Variants in KLF8 observed in about 807,000 individuals in gnomAD.
KLF8 encodes Krueppel-like factor 8.
Under a neutral mutation model 18.2 loss-of-function variants are expected in KLF8, and 10 were observed. The ratio of observed to expected loss-of-function variants is 0.55; its 90% CI spans 0.34 to 0.93. The LOEUF (loss-of-function observed/expected upper bound fraction) is 0.93. Ranked by LOEUF, KLF8 falls within the 40% of genes least tolerant of loss-of-function variation. KLF8 has a pLI of 0.02. For synonymous variants in KLF8, 109 were observed against 97.3 expected, an observed-to-expected ratio of 1.12 and a Z score of -0.71; for missense variants, 264 against 277.9, an observed-to-expected ratio of 0.95 and a Z score of 0.36.
upstream of KLF8, among the ~76,000 whole-genome samples, chrX:56,227,356 C>CTT (rs11343713): frequency 1.0e-5 from 1 of 96,070 alleles, no homozygotes; most frequent in Admixed American, 1.1e-4. Flanking sequence ...AAGTCTTTTT[C>CTT]TTTTTTTTTT....
At chrX:56,176,742 A>G in the KLF8 span, among the ~76,000 whole-genome samples, 3,747 of 111,490 alleles carry the variant, frequency 0.034, 168 homozygotes, top group African/African-American at 0.12. Flanking sequence ...AAGTACACCA[A>G]TCAGACGTAG....
At chrX:56,053,240 G>A in the KLF8 span, among the ~76,000 whole-genome samples, 5 of 112,251 alleles carry the variant, frequency 4.5e-5, no homozygotes, top group East Asian at 2.8e-4. Flanking sequence ...CGTCGCTCAC[G>A]CTGGGAGCTG....
At chrX:56,127,750 A>T in the KLF8 span, among the ~76,000 whole-genome samples, 1 of 112,036 alleles carries the variant, frequency 8.9e-6, no homozygotes, top group Non-Finnish European at 1.9e-5. Flanking sequence ...ATCATGTTAT[A>T]TACCTTAAAA....
At chrX:56,053,745 G>A in the KLF8 span, among the ~76,000 whole-genome samples, 4 of 109,701 alleles carry the variant, frequency 3.6e-5, 1 homozygote, top group Middle Eastern at 8.5e-3. Flanking sequence ...GAGGGTGTAT[G>A]TGTCCAGGAA....
At chrX:56,212,919 A>G in the KLF8 span, among the ~76,000 whole-genome samples, 1 of 111,812 alleles carries the variant, frequency 8.9e-6, no homozygotes, top group South Asian at 3.7e-4. Context: ...TCTTAAAGAC[A>G]TTGTTGTTAG....
At chrX:56,208,547 A>G in the KLF8 span, among the ~76,000 whole-genome samples, 2 of 110,606 alleles carry the variant, frequency 1.8e-5, no homozygotes, top group African/African-American at 3.3e-5. Context: ...GTTATTTAAG[A>G]TCCATTATTA....
At chrX:55,991,021 C>G in the KLF8 span, among the ~76,000 whole-genome samples, 8 of 112,324 alleles carry the variant, frequency 7.1e-5, no homozygotes, top group African/African-American at 3.2e-5. Context: ...CTACTCTCTT[C>G]AAAGCTGTCA....
At chrX:56,075,423 T>C in the KLF8 span, among the ~76,000 whole-genome samples, 1 of 110,981 alleles carries the variant, frequency 9.0e-6, no homozygotes, top group South Asian at 3.7e-4. Flanking sequence ...ATATGGCACA[T>C]GAGATGTTTT....
chrX:55,989,239 G>A, the KLF8 span, among the ~76,000 whole-genome samples: 2 of 111,880 alleles, frequency 1.8e-5, no homozygotes, highest in African/African-American at 6.5e-5. Flanking sequence ...CCAACACTGT[G>A]TTGAATAGGG....
chrX:56,213,074 A>G, the KLF8 span, among the ~76,000 whole-genome samples: 1 of 110,611 alleles, frequency 9.0e-6, no homozygotes. Flanking sequence ...TTTATTTGGC[A>G]GTCAGTTTCA....
At chrX:56,158,562 T>C in the KLF8 span, among the ~76,000 whole-genome samples, 1 of 111,793 alleles carries the variant, frequency 8.9e-6, no homozygotes, top group Non-Finnish European at 1.9e-5. Flanking sequence ...CTCTTTTATT[T>C]CCTTGAGCAG....
At chrX:56,180,527 C>A in the KLF8 span, among the ~76,000 whole-genome samples, 1 of 110,690 alleles carries the variant, frequency 9.0e-6, no homozygotes, top group African/African-American at 3.3e-5. Flanking sequence ...TTTGCTCTTG[C>A]TTCTCTAGTT....
the KLF8 span, among the ~76,000 whole-genome samples, chrX:56,196,105 C>T: frequency 1.3e-4 from 14 of 111,712 alleles, no homozygotes; most frequent in East Asian, 8.4e-4. Context: ...AAGAAACAAC[C>T]GATACCAGCC....
the KLF8 span, among the ~76,000 whole-genome samples, chrX:55,941,059 A>T: frequency 8.9e-6 from 1 of 111,932 alleles, no homozygotes; most frequent in Non-Finnish European, 1.9e-5. Flanking sequence ...AAGAGCCCAC[A>T]TTGCCAAGTC....
chrX:56,188,136 G>T, the KLF8 span, among the ~76,000 whole-genome samples: 2 of 111,053 alleles, frequency 1.8e-5, no homozygotes, highest in Admixed American at 9.6e-5. Context: ...CATTGTCTCA[G>T]CCCAAAATCT....
chrX:56,083,270 T>C, the KLF8 span, among the ~76,000 whole-genome samples: 1 of 112,292 alleles, frequency 8.9e-6, no homozygotes, highest in African/African-American at 3.2e-5. Flanking sequence ...AAACAAAAGT[T>C]ATGAGGTTCA....
At chrX:55,941,214 T>C in the KLF8 span, among the ~76,000 whole-genome samples, 1 of 111,781 alleles carries the variant, frequency 8.9e-6, no homozygotes, top group Non-Finnish European at 1.9e-5. Context: ...GAAATAATGC[T>C]GCATATCTAC....
At chrX:56,112,260 C>T in the KLF8 span, among the ~76,000 whole-genome samples, 1 of 111,397 alleles carries the variant, frequency 9.0e-6, no homozygotes, top group East Asian at 2.8e-4. Context: ...CAAGTTATCA[C>T]TCATAAGTTG....
the KLF8 span, among the ~76,000 whole-genome samples, chrX:56,048,869 T>C: frequency 8.9e-6 from 1 of 111,751 alleles, no homozygotes; most frequent in African/African-American, 3.3e-5. Flanking sequence ...AGTATGGCCG[T>C]TTTCATGATA....
Sources: allele counts gnomAD v4.1 joint callset (sites outside exome capture counted in the v4.1 genomes callset), GRCh38; gene constraint gnomAD v4.1.1; transcripts MANE v1.5; gene names NCBI Gene and HGNC (gene_info 2026-07-23, HGNC 2026-07-21).